Variants in CMSS1 observed in about 807,000 individuals in gnomAD.
The protein encoded by CMSS1 is cms1 ribosomal small subunit homolog.
Under a neutral mutation model 43.5 loss-of-function variants are expected in CMSS1, and 33 were observed. The observed-to-expected ratio is 0.76, with a 90% CI of 0.57 to 1.01. The LOEUF (loss-of-function observed/expected upper bound fraction) is 1.01. Ranked by LOEUF, CMSS1 falls within the 50% of genes least tolerant of loss-of-function variation. The pLI, the probability that CMSS1 is intolerant of heterozygous loss-of-function variation, is 0.00. For synonymous variants in CMSS1, 115 were observed against 117.2 expected, an observed-to-expected ratio of 0.98 and a Z score of 0.12; for missense variants, 313 against 326.4, an observed-to-expected ratio of 0.96 and a Z score of 0.32.
intron 1 of CMSS1, among the ~76,000 whole-genome samples, chr3:100,126,956 C>G (rs2066668414): frequency 6.6e-6 from 1 of 151,688 alleles, no homozygotes; most frequent in Non-Finnish European, 1.5e-5. Flanking sequence ...CGAGATCTCG[C>G]CACTGCACTC....
chr3:99,870,974 G>A (rs1027091446), intron 1 of CMSS1, among the ~76,000 whole-genome samples: 2 of 152,090 alleles, frequency 1.3e-5, no homozygotes, highest in African/African-American at 2.4e-5. Context: ...CCATGCCCCC[G>A]GGTGACTCAC....
chr3:100,127,686 A>G (rs1383016692), intron 1 of CMSS1, among the ~76,000 whole-genome samples: 1 of 152,212 alleles, frequency 6.6e-6, no homozygotes, highest in Non-Finnish European at 1.5e-5. Flanking sequence ...CACTGCTTAC[A>G]TAATCCCACA....
chr3:100,154,165 G>C (rs1233694352), intron 2 of CMSS1, among the ~76,000 whole-genome samples: 1 of 151,996 alleles, frequency 6.6e-6, no homozygotes, highest in African/African-American at 2.4e-5. Context: ...TTCTTGTTTG[G>C]CACTATTGTG....
intron 1 of CMSS1, among the ~76,000 whole-genome samples, chr3:99,952,437 C>G (rs1205473122): frequency 6.6e-6 from 1 of 152,270 alleles, no homozygotes; most frequent in East Asian, 1.9e-4. Context: ...CCTACCCCAG[C>G]CCCAAAAATT....
At chr3:99,858,265 AC>A (rs1944071972) in intron 1 of CMSS1, among the ~76,000 whole-genome samples, 1 of 152,124 alleles carries the variant, frequency 6.6e-6, no homozygotes, top group African/African-American at 2.4e-5. Context: ...GGAGATCGAG[AC>A]CATCCTGGCT....
At chr3:99,952,639 CAGAG>C (rs1443649157) in intron 1 of CMSS1, among the ~76,000 whole-genome samples, 1 of 152,138 alleles carries the variant, frequency 6.6e-6, no homozygotes, top group Non-Finnish European at 1.5e-5. Flanking sequence ...CACATACACA[CAGAG>C]AGAAAGAGAG....
chr3:100,038,312 A>G lies in CMSS1; in HGVS notation c.65-108661A>G, dbSNP rs570913968. ...ACAGAAATAATAAGAAAAGTAATGA[A>G]GTAATGAGTCTATTATTTTGAGCCC... is the stretch of plus-strand genomic sequence containing the variant. On this transcript the variant is annotated intron_variant, in intron 1 of 9. Coordinates refer to ENST00000421999, the MANE Select transcript of CMSS1 (RefSeq NM_032359.4). Among the ~76,000 whole-genome samples the G allele has an allele frequency of 1.9e-3, 287 of 152,332 alleles. 2 individuals carry two copies. Among genetic ancestry groups the G allele is most frequent in the South Asian group, 9.1e-3 (44 of 4,832 alleles).
Position 100,021,541 on chromosome 3 carries a change from A to C in CMSS1, c.65-125432A>C, listed in dbSNP as rs144205860. Reference sequence around the variant, plus strand: ...TCTGAGTGCCAGAAAGAACAGAGTCAAGAAAGGAGCTATCGTGAGCTCTTG... The same window carrying C: ...TCTGAGTGCCAGAAAGAACAGAGTCCAGAAAGGAGCTATCGTGAGCTCTTG... On this transcript the variant is annotated intron_variant, in intron 1 of 9. Coordinates refer to ENST00000421999, the MANE Select transcript of CMSS1 (RefSeq NM_032359.4). 1.6e-4 allele frequency among the ~76,000 whole-genome samples: 25 copies of C among 152,300 alleles called. No individual in the cohort carries two copies. The East Asian group carries it at 4.8e-3, about 29-fold the overall frequency.
intron 1 of CMSS1, among the ~76,000 whole-genome samples, chr3:99,956,494 A>G (rs898594681): frequency 1.3e-5 from 2 of 152,202 alleles, no homozygotes; most frequent in Non-Finnish European, 2.9e-5. Flanking sequence ...CTGGGATTAC[A>G]GGCACCCACT....
chr3:99,877,205 GAGTAATTTTAGT>G (rs1705564870), intron 1 of CMSS1, among the ~76,000 whole-genome samples: 1 of 152,140 alleles, frequency 6.6e-6, no homozygotes, highest in African/African-American at 2.4e-5. Context: ...AGCTTCAGAT[GAGTAATTTTAGT>G]AGCTTGAGTC....
intron 1 of CMSS1, among the ~76,000 whole-genome samples, chr3:100,032,860 A>G (rs1250252827): frequency 1.3e-5 from 2 of 152,136 alleles, no homozygotes; most frequent in African/African-American, 4.8e-5. Context: ...AGCTGCTACT[A>G]TTTGCTGCCA....
intron 1 of CMSS1, among the ~76,000 whole-genome samples, chr3:99,829,521 C>T (rs752205618): frequency 6.6e-6 from 1 of 152,202 alleles, no homozygotes; most frequent in South Asian, 2.1e-4. Context: ...AATTATTTCA[C>T]TTTCCTGTTT....
At chr3:99,985,761 G>A (rs1709321668) in intron 1 of CMSS1, among the ~76,000 whole-genome samples, 1 of 152,018 alleles carries the variant, frequency 6.6e-6, no homozygotes, top group Non-Finnish European at 1.5e-5. Flanking sequence ...GCTGGTTTTT[G>A]TATTTTTACT....
At chr3:99,932,608 T>TAA (rs1707518893) in intron 1 of CMSS1, among the ~76,000 whole-genome samples, 1 of 152,128 alleles carries the variant, frequency 6.6e-6, no homozygotes, top group South Asian at 2.1e-4. Context: ...ATTGACCCAT[T>TAA]GCCAGGCACA....
chr3:99,849,097 T>G (rs1385398329), intron 1 of CMSS1: 3 of 1,614,144 alleles, frequency 1.9e-6, no homozygotes, highest in Non-Finnish European at 2.5e-6. Context: ...AATCCATAGC[T>G]TTCTGTTAAC....
At chr3:99,819,001 A>C (rs1197792429) in intron 1 of CMSS1, among the ~76,000 whole-genome samples, 6 of 152,250 alleles carry the variant, frequency 3.9e-5, no homozygotes, top group African/African-American at 1.4e-4. Flanking sequence ...GGCCAAAGTC[A>C]GATTCATACT....
intron 1 of CMSS1, among the ~76,000 whole-genome samples, chr3:100,081,307 A>G (rs542297679): frequency 6.6e-6 from 1 of 152,312 alleles, no homozygotes; most frequent in East Asian, 1.9e-4. Context: ...TTCATGTAAA[A>G]CAAATTATAT....
chr3:100,038,596 A>G (rs1413474239), intron 1 of CMSS1, among the ~76,000 whole-genome samples: 7 of 152,254 alleles, frequency 4.6e-5, no homozygotes, highest in Admixed American at 2.0e-4. Context: ...CTGGAAGTAA[A>G]TAGGATTATT....
At chr3:100,096,418 A>G (rs2066209312) in intron 1 of CMSS1, among the ~76,000 whole-genome samples, 1 of 152,234 alleles carries the variant, frequency 6.6e-6, no homozygotes, top group African/African-American at 2.4e-5. Context: ...CACAATGGAT[A>G]CTATTCAGCC....
Sources: allele counts gnomAD v4.1 joint callset (sites outside exome capture counted in the v4.1 genomes callset), GRCh38; gene constraint gnomAD v4.1.1; transcripts MANE v1.5; gene names NCBI Gene and HGNC (gene_info 2026-07-23, HGNC 2026-07-21).